The following ATP1B1 variants were observed in gnomAD, a reference collection of about 807,000 sequenced individuals.
ATP1B1 encodes the protein ATPase Na+/K+ transporting subunit beta 1, also known as sodium/potassium-transporting ATPase subunit beta-1.
A neutral mutation model predicts 39.6 loss-of-function variants in ATP1B1; 3 were observed. That is an observed-to-expected ratio of 0.08 (90% CI 0.03 to 0.20). The LOEUF is 0.20. Ranked by LOEUF, ATP1B1 falls within the 10% of genes least tolerant of loss-of-function variation. The pLI, the probability that ATP1B1 is intolerant of heterozygous loss-of-function variation, is 1.00. For synonymous variants in ATP1B1, 139 were observed against 135.0 expected, an observed-to-expected ratio of 1.03 and a Z score of -0.20; for missense variants, 216 against 371.1, an observed-to-expected ratio of 0.58 and a Z score of 3.43.
chr1:169,113,579 TGTAA>T (rs1216887321), intron 2 of ATP1B1, among the ~76,000 whole-genome samples: 2 of 152,192 alleles, frequency 1.3e-5, no homozygotes, highest in Admixed American at 6.5e-5. Flanking sequence ...GGCCCAACCT[TGTAA>T]GTAAGGACTT....
intron 2 of ATP1B1, among the ~76,000 whole-genome samples, chr1:169,121,808 G>T (rs924822647): frequency 7.2e-5 from 11 of 152,156 alleles, no homozygotes; most frequent in South Asian, 2.1e-4. Flanking sequence ...TCAGTATCAG[G>T]CTTGTTTATA....
At chr1:169,118,252 C>T (rs1465031758) in intron 2 of ATP1B1, among the ~76,000 whole-genome samples, 1 of 152,144 alleles carries the variant, frequency 6.6e-6, no homozygotes, top group African/African-American at 2.4e-5. Context: ...CGGCATTTAG[C>T]TTAGACAGGA....
intron 1 of ATP1B1, 101 bp downstream of exon 1, chr1:169,107,027 G>A: frequency 5.2e-6 from 6 of 1,164,814 alleles, no homozygotes; most frequent in Non-Finnish European, 4.8e-6. Flanking sequence ...CCACCGCGCT[G>A]GCCGGGGTGG....
chr1:169,129,938 G>A lies in ATP1B1; in HGVS notation c.568-72G>A, dbSNP rs147346723. ...ACCAGTGTGTACTTGTTTGGACTAC[G>A]GAGTAGTTTTATTTTTCAGAAACTT... On this transcript the variant is annotated intron_variant, in intron 4 of 5. Coordinates refer to ENST00000367815, the MANE Select transcript of ATP1B1 (RefSeq NM_001677.4). The A allele has an allele frequency of 5.7e-5, 82 of 1,447,686 alleles. No homozygotes were observed. In the African/African-American group the frequency reaches 6.2e-4, roughly 11 times the overall value. The allele number at this position is 1,447,686 out of a possible 1,614,324, so 89.7% of individuals were successfully genotyped here. A position where few individuals can be genotyped will look rare whatever the true frequency, so the allele number is the denominator to read the frequency against.
At chr1:169,116,971 C>T (rs1390113135) in intron 2 of ATP1B1, among the ~76,000 whole-genome samples, 1 of 152,108 alleles carries the variant, frequency 6.6e-6, no homozygotes, top group Non-Finnish European at 1.5e-5. Context: ...TCTCAGAATA[C>T]CTAATTTTTC....
intron 2 of ATP1B1, among the ~76,000 whole-genome samples, 174 bp from the exon 3 acceptor site, chr1:169,124,710 G>A (rs1174007006): frequency 6.6e-6 from 1 of 152,232 alleles, no homozygotes; most frequent in Non-Finnish European, 1.5e-5. Context: ...CATAGTCACT[G>A]GTACTTGGGG....
At chr1:169,111,308 A>G in intron 1 of ATP1B1, 62 bp from the exon 2 acceptor site, 12 of 1,599,054 alleles carry the variant, frequency 7.5e-6, no homozygotes, top group Non-Finnish European at 1.0e-5. Flanking sequence ...CCGTGGGAAG[A>G]TTAAACTTTC....
chr1:169,111,461 A>C lies in ATP1B1; in HGVS notation c.189A>C (p.Glu63Asp), dbSNP rs557213061. ...TIQVMLLTISEFKPTYQDRVA... is the reference protein window; with the variant it reads ...TIQVMLLTISDFKPTYQDRVA... ...AAGTGATGCTGCTCACCATCAGTGA[A>C]TTTAAGCCCACATATCAGGACCGAG... The change falls in exon 2 of 6, where the codon GAA becomes GAC. Residue 63 changes from glutamate (E) to aspartate (D), a missense_variant. Glu to Asp is a conservative substitution (Grantham distance 45). Coordinates refer to ENST00000367815, the MANE Select transcript of ATP1B1 (RefSeq NM_001677.4). 6.2e-6 allele frequency: 10 copies of C among 1,614,216 alleles called. No individual in the cohort carries two copies. In the East Asian group the frequency reaches 2.2e-4, roughly 36 times the overall value.
At chr1:169,120,175 G>A (rs913005774) in intron 2 of ATP1B1, among the ~76,000 whole-genome samples, 4 of 152,186 alleles carry the variant, frequency 2.6e-5, no homozygotes, top group Non-Finnish European at 5.9e-5. Flanking sequence ...TTGTGGAAAT[G>A]TGAGGAAAGA....
chr1:169,131,317 G>A lies in ATP1B1; in HGVS notation c.674G>A (p.Gly225Glu). Residue 225 changes from glycine (G) to glutamate (E), a missense_variant, in exon 6 of 6, where the codon GGA becomes GAA. Physicochemically the swap from Gly to Glu is moderately conservative, Grantham distance 98. Coordinates refer to ENST00000367815, the MANE Select transcript of ATP1B1 (RefSeq NM_001677.4). This position sits in a 1 kb window ranked among gnomAD's most constrained non-coding sequence, Gnocchi z 4.4. The part of the protein sequence containing the change: ...GKRDEDKDKV[G>E]NVEYFGLGNS... ...CGAGATGAAGATAAGGATAAAGTTG[G>A]AAATGTGGAGTATTTTGGACTGGGC... The A allele has an allele frequency of 6.2e-7, 1 of 1,613,778 alleles. No homozygotes were observed. The highest frequency in any genetic ancestry group is 8.5e-7 in the Non-Finnish European group (1 of 1,179,902).
At chr1:169,128,808 A>G (rs1412301302) in intron 4 of ATP1B1, among the ~76,000 whole-genome samples, 1 of 152,200 alleles carries the variant, frequency 6.6e-6, no homozygotes, top group Non-Finnish European at 1.5e-5. Context: ...AGTCTAGTCT[A>G]TTGTGATTGA....
At chr1:169,118,713 G>T (rs1050871985) in intron 2 of ATP1B1, among the ~76,000 whole-genome samples, 1 of 152,074 alleles carries the variant, frequency 6.6e-6, no homozygotes, top group Non-Finnish European at 1.5e-5. Flanking sequence ...TCATACCTCT[G>T]TGTATTTTTT....
rs1239397433 is a variant in ATP1B1 at position 169,107,021 on chromosome 1, C to T, written c.97+95C>T. On this transcript the variant is annotated intron_variant, in intron 1 of 5. Coordinates refer to ENST00000367815, the MANE Select transcript of ATP1B1 (RefSeq NM_001677.4). ...GGTCCGCGGCCGGTTCCGCACCCACCGCGCTGGCCGGGGTGGCGGGGGCGA... is the reference window on the plus strand; with the variant it reads ...GGTCCGCGGCCGGTTCCGCACCCACTGCGCTGGCCGGGGTGGCGGGGGCGA... 5 of 1,236,876 alleles carry T rather than the reference C, an allele frequency of 4.0e-6. No homozygotes were observed. The East Asian group carries it at 1.3e-4, about 31-fold the overall frequency. 76.6% of individuals were successfully genotyped at this position (1,236,876 alleles called of 1,614,324 possible).
At chr1:169,115,551 A>G (rs1256796976) in intron 2 of ATP1B1, among the ~76,000 whole-genome samples, 1 of 151,686 alleles carries the variant, frequency 6.6e-6, no homozygotes, top group Non-Finnish European at 1.5e-5. Context: ...GTTTCACCAT[A>G]TTGGTCAGGT....
intron 1 of ATP1B1, among the ~76,000 whole-genome samples, chr1:169,107,645 A>G (rs543242811): frequency 2.0e-5 from 3 of 152,314 alleles, no homozygotes; most frequent in Non-Finnish European, 4.4e-5. Flanking sequence ...TGAAGGGAAT[A>G]TAAACGCAGA....
intron 2 of ATP1B1, among the ~76,000 whole-genome samples, chr1:169,114,609 G>A (rs1657801914): frequency 6.6e-6 from 1 of 152,212 alleles, no homozygotes; most frequent in South Asian, 2.1e-4. Flanking sequence ...GGCCAAACAT[G>A]AAATCTGAGA....
chr1:169,111,464 T>C lies in ATP1B1; in HGVS notation c.192T>C (p.Phe64=), dbSNP rs575198119. 4.3e-6 allele frequency: 7 copies of C among 1,614,268 alleles called. No homozygotes were observed. The South Asian group carries it at 7.7e-5, about 18-fold the overall frequency. ...IQVMLLTISE[F]KPTYQDRVAP... is the part of the protein sequence containing the mutation. The stretch of plus-strand genomic sequence containing the variant: ...TGATGCTGCTCACCATCAGTGAATT[T>C]AAGCCCACATATCAGGACCGAGTGG... Residue 64 remains phenylalanine, a synonymous_variant, in exon 2 of 6, where the codon TTT becomes TTC. Transcript: ENST00000367815.
intron 2 of ATP1B1, among the ~76,000 whole-genome samples, chr1:169,114,078 C>A (rs1016957258): frequency 6.8e-6 from 1 of 146,972 alleles, no homozygotes; most frequent in Admixed American, 6.7e-5. Flanking sequence ...AGCAGAGTGC[C>A]GGCTGCCACA....
chr1:169,108,961 G>C (rs1438878084), intron 1 of ATP1B1, among the ~76,000 whole-genome samples: 1 of 152,222 alleles, frequency 6.6e-6, no homozygotes, highest in East Asian at 1.9e-4. Flanking sequence ...CTCCTACGGA[G>C]AAAATGCCCC....
Sources: gnomAD v4.1 joint callset for allele counts (sites outside exome capture counted in the v4.1 genomes callset) on GRCh38, gnomAD v4.1.1 for gene constraint, Gnocchi (gnomAD v3.1) non-coding constraint, MANE v1.5 for transcripts, NCBI Gene and HGNC (gene_info 2026-07-23, HGNC 2026-07-21) for gene names.